The following DMD variants were observed in gnomAD, a reference collection of about 807,000 sequenced individuals.
DMD encodes the protein dystrophin.
DMD carries 63 observed loss-of-function variants against 330.1 expected under a neutral mutation model. That is an observed-to-expected ratio of 0.19 (90% CI 0.16 to 0.24). The LOEUF is 0.24. Among genes scored for constraint, DMD ranks in the 10% least tolerant of loss-of-function variants. DMD has a pLI of 1.00. For synonymous variants in DMD, 1,223 were observed against 959.8 expected, an observed-to-expected ratio of 1.27 and a Z score of -5.07; for missense variants, 3,344 against 2,684.1, an observed-to-expected ratio of 1.25 and a Z score of -5.43.
chrX:33,166,263 A>G (rs1003543936), intron 1 of DMD, among the ~76,000 whole-genome samples: 5 of 111,384 alleles, frequency 4.5e-5, no homozygotes, highest in Admixed American at 9.6e-5. Flanking sequence ...AAAGGCAAGG[A>G]GTAATTTAAC....
intron 13 of DMD, among the ~76,000 whole-genome samples, chrX:32,588,416 C>G (rs1377353832): frequency 9.0e-6 from 1 of 111,495 alleles, no homozygotes; most frequent in African/African-American, 3.3e-5. Flanking sequence ...TCTGTTTAAA[C>G]CCGGTGGTAT....
chrX:31,189,200 G>T (rs1046907634), intron 67 of DMD, among the ~76,000 whole-genome samples: 1 of 111,828 alleles, frequency 8.9e-6, no homozygotes, highest in Non-Finnish European at 1.9e-5. Flanking sequence ...CACGTACATT[G>T]TATTTTTTAG....
At chrX:32,716,391 G>A (rs930780260) in intron 7 of DMD, among the ~76,000 whole-genome samples, 8 of 110,989 alleles carry the variant, frequency 7.2e-5, no homozygotes, top group East Asian at 5.7e-4. Context: ...GGTATAAGAT[G>A]TGCCTGCTTC....
At chrX:31,299,356 T>TA (rs202148271) in intron 62 of DMD, among the ~76,000 whole-genome samples, 13 of 108,872 alleles carry the variant, frequency 1.2e-4, no homozygotes, top group Admixed American at 5.9e-4. Flanking sequence ...AATTTGAAGG[T>TA]AAAAAAAAAG....
intron 7 of DMD, among the ~76,000 whole-genome samples, chrX:32,711,473 T>C (rs887089845): frequency 1.8e-5 from 2 of 111,700 alleles, no homozygotes; most frequent in African/African-American, 3.3e-5. Context: ...AACGTGCCCC[T>C]TGATTAGGAA....
chrX:31,678,503 A>G (rs374971128), intron 53 of DMD, among the ~76,000 whole-genome samples: 72 of 112,379 alleles, frequency 6.4e-4, no homozygotes, highest in African/African-American at 2.2e-3. Flanking sequence ...GATAAAACAT[A>G]GTTATTAAGC....
At chrX:32,963,655 T>C (rs2091994546) in intron 2 of DMD, among the ~76,000 whole-genome samples, 1 of 112,347 alleles carries the variant, frequency 8.9e-6, no homozygotes, top group Non-Finnish European at 1.9e-5. Flanking sequence ...CTAGTAAATG[T>C]TAATTACTAA....
intron 16 of DMD, among the ~76,000 whole-genome samples, chrX:32,551,961 C>T (rs1227661322): frequency 8.9e-6 from 1 of 111,923 alleles, no homozygotes; most frequent in Non-Finnish European, 1.9e-5. Flanking sequence ...CAAAATATTG[C>T]TCAAGTAACT....
chrX:31,756,512 T>A lies in DMD; in HGVS notation c.7542+17448A>T, dbSNP rs2089111164. On this transcript the variant is annotated intron_variant, in intron 51 of 78. Coordinates refer to ENST00000357033, the MANE Select transcript of DMD (RefSeq NM_004006.3). ...CACGCGCATGCACGCGCACATATGG[T>A]TTGTTGCCAATAAACCTGTGATAGA... is the stretch of plus-strand genomic sequence containing the variant. Among the ~76,000 whole-genome samples, 3 of 112,821 alleles carry A rather than the reference T, an allele frequency of 2.7e-5. No homozygotes were observed. The Admixed American group carries it at 2.8e-4, about 11-fold the overall frequency.
At chrX:32,394,830 G>A (rs749328382) in intron 30 of DMD, among the ~76,000 whole-genome samples, 106 of 104,862 alleles carry the variant, frequency 1.0e-3, no homozygotes, top group African/African-American at 3.6e-3. Flanking sequence ...TAGCCTCCAA[G>A]GTTAGTAGAG....
chrX:31,631,766 C>T (rs780113942), intron 54 of DMD, among the ~76,000 whole-genome samples: 5 of 111,931 alleles, frequency 4.5e-5, no homozygotes, highest in Non-Finnish European at 7.5e-5. Flanking sequence ...TAAAAATATA[C>T]TTGCCTAAGA....
intron 13 of DMD, among the ~76,000 whole-genome samples, chrX:32,590,534 C>T (rs534207305): frequency 4.5e-5 from 5 of 111,734 alleles, no homozygotes; most frequent in African/African-American, 1.3e-4. Flanking sequence ...ACCCAATCAG[C>T]TGCCAGTTAG....
chrX:33,102,786 A>G (rs2095251767), intron 1 of DMD, among the ~76,000 whole-genome samples: 1 of 111,842 alleles, frequency 8.9e-6, no homozygotes, highest in South Asian at 3.7e-4. Context: ...TACATCGTAT[A>G]TATGTACATA....
chrX:31,876,688 CA>C (rs1165746413), intron 47 of DMD, among the ~76,000 whole-genome samples: 4 of 83,087 alleles, frequency 4.8e-5, no homozygotes, highest in Admixed American at 1.4e-4. Context: ...CCCATCTCTA[CA>C]AAAAAAAAAC....
At chrX:31,624,736 A>G (rs2078747361) in intron 55 of DMD, among the ~76,000 whole-genome samples, 2 of 111,737 alleles carry the variant, frequency 1.8e-5, no homozygotes, top group South Asian at 7.5e-4. Context: ...TGATTGCTAT[A>G]CAGCATGAAT....
chrX:31,166,481 T>C (rs1337381988), intron 74 of DMD, among the ~76,000 whole-genome samples: 1 of 112,007 alleles, frequency 8.9e-6, no homozygotes, highest in African/African-American at 3.2e-5. Flanking sequence ...ATCTCAATTT[T>C]AAATATACTT....
At chrX:33,212,577 CTA>C (rs1439952654), upstream of DMD, among the ~76,000 whole-genome samples, 7 of 111,431 alleles carry the variant, frequency 6.3e-5, no homozygotes, top group African/African-American at 2.3e-4. Flanking sequence ...ACTCATTTTT[CTA>C]TGTCAAACAT....
chrX:31,180,269 A>G, intron 69 of DMD, 101 bp downstream of exon 69: 1 of 621,775 alleles, frequency 1.6e-6, no homozygotes, highest in Non-Finnish European at 2.7e-6. Flanking sequence ...ACATCTGGGG[A>G]AGTGACAAAT....
chrX:32,929,637 C>T (rs1454832575), intron 2 of DMD, among the ~76,000 whole-genome samples: 4 of 110,902 alleles, frequency 3.6e-5, no homozygotes, highest in Non-Finnish European at 7.6e-5. Context: ...TAGGTATGCA[C>T]GTGCTATGGT....
Sources: gnomAD v4.1 joint callset for allele counts (sites outside exome capture counted in the v4.1 genomes callset) on GRCh38, gnomAD v4.1.1 for gene constraint, MANE v1.5 for transcripts, NCBI Gene and HGNC (gene_info 2026-07-23, HGNC 2026-07-21) for gene names.